QKI: variants seen among roughly 807,000 people sequenced by gnomAD.
QKI encodes the protein KH domain-containing RNA-binding protein QKI.
A neutral mutation model predicts 39.0 loss-of-function variants in QKI; 10 were observed. The ratio of observed to expected loss-of-function variants is 0.26; its 90% CI spans 0.16 to 0.43. The LOEUF is 0.43. Among genes scored for constraint, QKI ranks in the 20% least tolerant of loss-of-function variants. The pLI is 1.00. For missense variants in QKI, 218 were observed against 428.0 expected, an observed-to-expected ratio of 0.51 and a Z score of 4.33; for synonymous variants, 204 against 155.4, an observed-to-expected ratio of 1.31 and a Z score of -2.33.
intron 6 of QKI, chr6:163,564,841 G>A (rs1783254893): frequency 6.5e-7 from 1 of 1,542,218 alleles, no homozygotes; most frequent in Non-Finnish European, 8.7e-7. Flanking sequence ...AATTGTATAT[G>A]ACCTTGGTGC....
At chr6:163,470,043 CTG>C (rs1213137957) in intron 2 of QKI, among the ~76,000 whole-genome samples, 4 of 152,130 alleles carry the variant, frequency 2.6e-5, no homozygotes, top group African/African-American at 9.7e-5. Flanking sequence ...AAAAAAATAA[CTG>C]AACACATCAG....
chr6:163,481,179 G>A (rs1793048211), intron 3 of QKI, among the ~76,000 whole-genome samples: 1 of 152,136 alleles, frequency 6.6e-6, no homozygotes, highest in Non-Finnish European at 1.5e-5. Flanking sequence ...GAGTTCAAGA[G>A]GAAAAGCCAT....
At chr6:163,542,831 A>C (rs933586781) in intron 4 of QKI, among the ~76,000 whole-genome samples, 3 of 152,048 alleles carry the variant, frequency 2.0e-5, no homozygotes, top group Admixed American at 2.0e-4. Flanking sequence ...GATCTAATAC[A>C]TGACGACAAA....
chr6:163,456,923 T>G (rs947215262), intron 2 of QKI, among the ~76,000 whole-genome samples: 6 of 152,140 alleles, frequency 3.9e-5, no homozygotes, highest in African/African-American at 1.4e-4. Context: ...TCTTTAAAAT[T>G]CAGATTCTTA....
At position 163,517,749 on chromosome 6, in the gene QKI, G is replaced by A. The variant is rs551434120; in HGVS notation, c.403-17233G>A. On this transcript the variant is annotated intron_variant, in intron 3 of 7. Transcript: ENST00000361752. ...GGAAACTCTAGTTCAGCCTAGTTAA[G>A]CTGACACACTGCAAAGGTATCACAC... 2.6e-5 allele frequency among the ~76,000 whole-genome samples: 4 copies of A among 152,266 alleles called. No individual in the cohort carries two copies. In the South Asian group the frequency reaches 8.3e-4, roughly 32 times the overall value.
intron 3 of QKI, among the ~76,000 whole-genome samples, chr6:163,487,399 T>G (rs1777750598): frequency 6.6e-6 from 1 of 152,226 alleles, no homozygotes; most frequent in African/African-American, 2.4e-5. Context: ...TTTTATTAGC[T>G]ATCTCTAAAA....
intron 3 of QKI, among the ~76,000 whole-genome samples, chr6:163,499,322 A>G (rs1778603541): frequency 6.6e-6 from 1 of 152,204 alleles, no homozygotes; most frequent in Admixed American, 6.5e-5. Context: ...TAGATAGGCC[A>G]CTGATAAACC....
chr6:163,508,629 A>G (rs1779250131), intron 3 of QKI, among the ~76,000 whole-genome samples: 1 of 150,762 alleles, frequency 6.6e-6, no homozygotes, highest in East Asian at 2.0e-4. Context: ...TCCTGAGCTC[A>G]AGCAATTCCC....
chr6:163,561,933 T>C, intron 4 of QKI, 49 bp from the exon 5 acceptor site: 5 of 1,405,602 alleles, frequency 3.6e-6, no homozygotes, highest in Non-Finnish European at 5.0e-6. Context: ...AGCTATTATA[T>C]TTGTGGACAG....
intron 3 of QKI, among the ~76,000 whole-genome samples, chr6:163,509,666 A>G (rs1779315381): frequency 6.6e-6 from 1 of 152,126 alleles, no homozygotes; most frequent in Non-Finnish European, 1.5e-5. Context: ...GCCAAAAGGT[A>G]TATGTAAAGA....
intron 3 of QKI, among the ~76,000 whole-genome samples, chr6:163,527,034 A>T (rs1262574279): frequency 2.6e-5 from 4 of 152,152 alleles, no homozygotes; most frequent in Middle Eastern, 6.3e-3. Context: ...GAATTTAGGA[A>T]CTTGTTCCTT....
chr6:163,457,005 C>G (rs972004656), intron 2 of QKI, among the ~76,000 whole-genome samples: 2 of 152,138 alleles, frequency 1.3e-5, no homozygotes, highest in Non-Finnish European at 2.9e-5. Flanking sequence ...GACAGGACCA[C>G]TGTGAGCCTA....
intron 4 of QKI, among the ~76,000 whole-genome samples, chr6:163,556,503 C>CAAAAAAAAAA (rs61233361): frequency 1.2e-4 from 10 of 83,046 alleles, no homozygotes; most frequent in African/African-American, 1.5e-4. Context: ...AATTCCACCT[C>CAAAAAAAAAA]AAAAAAAAAA....
intron 3 of QKI, among the ~76,000 whole-genome samples, chr6:163,529,092 A>G (rs1457262463): frequency 6.6e-6 from 1 of 152,172 alleles, no homozygotes; most frequent in African/African-American, 2.4e-5. Context: ...AGACCTCATA[A>G]GAGTTATTGT....
At chr6:163,525,166 C>T (rs1381186443) in intron 3 of QKI, among the ~76,000 whole-genome samples, 1 of 152,128 alleles carries the variant, frequency 6.6e-6, no homozygotes, top group Non-Finnish European at 1.5e-5. Flanking sequence ...AGCATTTGCA[C>T]AGTGAACCAT....
chr6:163,425,713 C>T lies in QKI; in HGVS notation c.142+10378C>T, dbSNP rs183737618. ...AACAAGTCTTTGTTTTCCTTACCTACAGGTTAGTGTATTCATCCTGAAGGA... is the reference window on the plus strand; with the variant it reads ...AACAAGTCTTTGTTTTCCTTACCTATAGGTTAGTGTATTCATCCTGAAGGA... On this transcript the variant is annotated intron_variant, in intron 1 of 7. Transcript: ENST00000361752. Among the ~76,000 whole-genome samples, 6 of 152,188 alleles carry T rather than the reference C, an allele frequency of 3.9e-5. No homozygotes were observed. In the East Asian group the frequency reaches 1.2e-3, roughly 29 times the overall value.
intron 1 of QKI, among the ~76,000 whole-genome samples, chr6:163,424,832 T>C (rs746627321): frequency 3.9e-5 from 6 of 151,910 alleles, no homozygotes; most frequent in Non-Finnish European, 7.4e-5. Flanking sequence ...GGTTTCACCA[T>C]GTTAGCCAGG....
chr6:163,554,794 A>G (rs1782480364), intron 4 of QKI, among the ~76,000 whole-genome samples: 2 of 152,152 alleles, frequency 1.3e-5, no homozygotes, highest in Admixed American at 6.5e-5. Context: ...CTCTGTTACA[A>G]CCTCTACCCC....
chr6:163,433,908 AAAT>A (rs1194993030), intron 1 of QKI, among the ~76,000 whole-genome samples: 1 of 152,244 alleles, frequency 6.6e-6, no homozygotes, highest in Non-Finnish European at 1.5e-5. Context: ...AAGTTTCATG[AAAT>A]AATACTTGTC....
Sources: allele counts gnomAD v4.1 joint callset (sites outside exome capture counted in the v4.1 genomes callset), GRCh38; gene constraint gnomAD v4.1.1; transcripts MANE v1.5; gene names NCBI Gene and HGNC (gene_info 2026-07-23, HGNC 2026-07-21).